IQCM: variants seen among roughly 807,000 people sequenced by gnomAD.
IQCM encodes IQ domain-containing protein M.
Under a neutral mutation model 57.6 loss-of-function variants are expected in IQCM, and 45 were observed. The ratio of observed to expected loss-of-function variants is 0.78; its 90% CI spans 0.62 to 1.00. The LOEUF (loss-of-function observed/expected upper bound fraction) is 1.00. Among genes scored for constraint, IQCM ranks in the 50% least tolerant of loss-of-function variants. The pLI is 0.00. For missense variants in IQCM, 468 were observed against 511.6 expected, an observed-to-expected ratio of 0.91 and a Z score of 0.82; for synonymous variants, 148 against 158.9, an observed-to-expected ratio of 0.93 and a Z score of 0.51.
intron 13 of IQCM, among the ~76,000 whole-genome samples, chr4:149,419,515 G>A (rs1733978545): frequency 6.6e-6 from 1 of 152,088 alleles, no homozygotes; most frequent in Non-Finnish European, 1.5e-5. Context: ...AGACTTAAAT[G>A]TAAGACCCCA....
intron 13 of IQCM, among the ~76,000 whole-genome samples, chr4:149,356,991 T>C (rs895280713): frequency 1.3e-5 from 2 of 152,218 alleles, no homozygotes; most frequent in African/African-American, 4.8e-5. Context: ...CTAGGTATTT[T>C]ATTCTCTTTG....
At chr4:149,631,240 T>C (rs1419469953) in intron 7 of IQCM, among the ~76,000 whole-genome samples, 1 of 152,178 alleles carries the variant, frequency 6.6e-6, no homozygotes, top group Non-Finnish European at 1.5e-5. Context: ...TATCGGACTC[T>C]TGCTCCCGGT....
In IQCM at chr4:149,414,717, A is replaced by G. The variant is rs913502658; in HGVS notation, c.1390+18679T>C. On this transcript the variant is annotated intron_variant, in intron 13 of 13. Coordinates refer to ENST00000636793, the MANE Select transcript of IQCM (RefSeq NM_001363507.2). ...ATCTTTATAAGTAAAAAAATTCAAA[A>G]TTTTTTAAAAATTAAAAAATAAGAT... Among the ~76,000 whole-genome samples, 4 of 152,154 alleles carry G rather than the reference A, an allele frequency of 2.6e-5. No homozygotes were observed. The East Asian group carries it at 7.8e-4, about 29-fold the overall frequency.
intron 2 of IQCM, among the ~76,000 whole-genome samples, chr4:149,758,356 A>C (rs967352190): frequency 6.6e-6 from 1 of 152,216 alleles, no homozygotes; most frequent in African/African-American, 2.4e-5. Context: ...CCTAAATGTA[A>C]AATGCAAAAC....
chr4:149,568,147 C>G (rs1308116583), intron 9 of IQCM, among the ~76,000 whole-genome samples: 1 of 152,156 alleles, frequency 6.6e-6, no homozygotes, highest in African/African-American at 2.4e-5. Flanking sequence ...GTGTCATCAT[C>G]TAGACATGGA....
intron 13 of IQCM, among the ~76,000 whole-genome samples, chr4:149,413,259 A>G (rs2111183280): frequency 6.6e-6 from 1 of 152,346 alleles, no homozygotes; most frequent in Non-Finnish European, 1.5e-5. Flanking sequence ...AAACAAGCAA[A>G]TGCTGAAATC....
intron 10 of IQCM, 128 bp downstream of exon 10, chr4:149,563,564 C>T (rs1750332921): frequency 1.6e-6 from 1 of 606,480 alleles, no homozygotes; most frequent in East Asian, 3.5e-5. Context: ...CCAGCCTGGA[C>T]AACAACAGCA....
At chr4:149,477,894 C>T (rs567853789) in intron 12 of IQCM, among the ~76,000 whole-genome samples, 14 of 152,214 alleles carry the variant, frequency 9.2e-5, no homozygotes, top group Admixed American at 6.5e-4. Context: ...AGGTCTTGTA[C>T]AGGAAGGACT....
chr4:149,504,241 TA>T (rs1385708585), intron 12 of IQCM, among the ~76,000 whole-genome samples: 11 of 152,268 alleles, frequency 7.2e-5, no homozygotes, highest in African/African-American at 2.6e-4. Flanking sequence ...AGTATAAATT[TA>T]AAAAAACTTA....
chr4:149,603,634 G>T (rs1040956262), intron 8 of IQCM, among the ~76,000 whole-genome samples: 3 of 151,912 alleles, frequency 2.0e-5, no homozygotes, highest in African/African-American at 7.3e-5. Flanking sequence ...GTGTTAGAGG[G>T]TGTTAGAAAA....
intron 8 of IQCM, among the ~76,000 whole-genome samples, chr4:149,613,157 G>A (rs1423801944): frequency 2.0e-5 from 3 of 152,070 alleles, no homozygotes; most frequent in East Asian, 3.9e-4. Context: ...CATTAGAGGA[G>A]AAAATCATGA....
intron 12 of IQCM, among the ~76,000 whole-genome samples, chr4:149,469,858 A>C (rs963669400): frequency 5.3e-5 from 8 of 152,220 alleles, no homozygotes; most frequent in African/African-American, 1.9e-4. Flanking sequence ...CCAGAATTTC[A>C]TATCCAGCCA....
At chr4:149,813,196 G>A (rs1444840151) in intron 2 of IQCM, among the ~76,000 whole-genome samples, 1 of 151,950 alleles carries the variant, frequency 6.6e-6, no homozygotes, top group Non-Finnish European at 1.5e-5. Flanking sequence ...TCTCAGCTAA[G>A]TAAATTTTCT....
chr4:149,625,254 A>T (rs1301094843), intron 7 of IQCM, among the ~76,000 whole-genome samples: 1 of 152,208 alleles, frequency 6.6e-6, no homozygotes, highest in Non-Finnish European at 1.5e-5. Context: ...ATAGTACAAA[A>T]TGAACAAGGC....
chr4:149,813,982 C>T (rs770473836), intron 2 of IQCM, among the ~76,000 whole-genome samples: 2 of 152,036 alleles, frequency 1.3e-5, no homozygotes, highest in African/African-American at 2.4e-5. Flanking sequence ...TCATTATGAG[C>T]ATGCTGTAAT....
chr4:149,753,881 C>T (rs1266087158), intron 2 of IQCM, among the ~76,000 whole-genome samples: 2 of 151,656 alleles, frequency 1.3e-5, no homozygotes, highest in Non-Finnish European at 2.9e-5. Context: ...AAAATGACAT[C>T]AATCTAGAGA....
intron 8 of IQCM, among the ~76,000 whole-genome samples, chr4:149,590,247 CTTTTT>C (rs71596214): frequency 9.5e-5 from 7 of 73,630 alleles, no homozygotes; most frequent in African/African-American, 2.2e-4. Flanking sequence ...TTTTTCTTTC[CTTTTT>C]TTTTTTTTTT....
intron 2 of IQCM, among the ~76,000 whole-genome samples, chr4:149,752,349 C>G (rs559902075): frequency 5.9e-5 from 9 of 152,014 alleles, no homozygotes; most frequent in Admixed American, 5.9e-4. Flanking sequence ...GTCAGGAGTT[C>G]GAGACCAGCC....
chr4:149,678,439 G>T (rs1030069068), intron 7 of IQCM, among the ~76,000 whole-genome samples: 7 of 151,772 alleles, frequency 4.6e-5, no homozygotes, highest in Admixed American at 4.0e-4. Context: ...ACAAACTACA[G>T]TTCTAATATA....
Sources: allele counts gnomAD v4.1 joint callset (sites outside exome capture counted in the v4.1 genomes callset), GRCh38; gene constraint gnomAD v4.1.1; transcripts MANE v1.5; gene names NCBI Gene and HGNC (gene_info 2026-07-23, HGNC 2026-07-21).